The following STAG1 variants were observed in gnomAD, a reference collection of about 807,000 sequenced individuals.
STAG1 encodes STAG1 cohesin complex component, also known as cohesin subunit SA-1.
A neutral mutation model predicts 170.9 loss-of-function variants in STAG1; 26 were observed. The observed-to-expected ratio is 0.15, with a 90% CI of 0.11 to 0.21. The LOEUF (loss-of-function observed/expected upper bound fraction) is 0.21. Ranked by LOEUF, STAG1 falls within the 10% of genes least tolerant of loss-of-function variation. The pLI, the probability that STAG1 is intolerant of heterozygous loss-of-function variation, is 1.00. For missense variants in STAG1, 964 were observed against 1,509.5 expected, an observed-to-expected ratio of 0.64 and a Z score of 5.99; for synonymous variants, 514 against 497.7, an observed-to-expected ratio of 1.03 and a Z score of -0.44.
At chr3:136,382,571 A>G (rs1560074916) in intron 22 of STAG1, among the ~76,000 whole-genome samples, 2 of 151,032 alleles carry the variant, frequency 1.3e-5, no homozygotes, top group African/African-American at 4.9e-5. Flanking sequence ...CCCAGCTACT[A>G]TTTTTTTTCT....
At chr3:136,683,696 T>A (rs887892071) in intron 1 of STAG1, among the ~76,000 whole-genome samples, 3 of 152,082 alleles carry the variant, frequency 2.0e-5, no homozygotes, top group African/African-American at 7.2e-5. Context: ...TCTTAGCTAA[T>A]GCAGTAAGAT....
intron 1 of STAG1, among the ~76,000 whole-genome samples, chr3:136,637,602 G>A (rs1007828284): frequency 6.6e-6 from 1 of 152,028 alleles, no homozygotes; most frequent in East Asian, 1.9e-4. Flanking sequence ...TCGGTTCTGG[G>A]GCTCAATTAC....
At chr3:136,531,656 A>G (rs1027446220) in intron 6 of STAG1, among the ~76,000 whole-genome samples, 8 of 151,276 alleles carry the variant, frequency 5.3e-5, no homozygotes, top group African/African-American at 1.5e-4. Flanking sequence ...AAACTATCGC[A>G]AGAACAAAAA....
At chr3:136,538,629 G>T (rs1935755027) in intron 6 of STAG1, among the ~76,000 whole-genome samples, 1 of 151,940 alleles carries the variant, frequency 6.6e-6, no homozygotes, top group Non-Finnish European at 1.5e-5. Flanking sequence ...ATATTGGCCT[G>T]GCTGTTCTGT....
intron 6 of STAG1, among the ~76,000 whole-genome samples, chr3:136,527,573 A>G (rs1247456460): frequency 6.6e-6 from 1 of 152,106 alleles, no homozygotes; most frequent in African/African-American, 2.4e-5. Context: ...GATCCTCTGA[A>G]GCCTCCTTCT....
chr3:136,583,586 C>G (rs1351072388), intron 4 of STAG1, among the ~76,000 whole-genome samples: 2 of 152,030 alleles, frequency 1.3e-5, no homozygotes, highest in Admixed American at 6.6e-5. Context: ...GTCAGGAGTT[C>G]GACACCAGCC....
chr3:136,591,764 A>C (rs1938195187), intron 4 of STAG1, among the ~76,000 whole-genome samples: 1 of 152,198 alleles, frequency 6.6e-6, no homozygotes, highest in Non-Finnish European at 1.5e-5. Context: ...ACTAAATGCA[A>C]GAAAGAAAAG....
chr3:136,497,880 A>G (rs1933209753), intron 9 of STAG1, among the ~76,000 whole-genome samples: 3 of 147,648 alleles, frequency 2.0e-5, no homozygotes, highest in African/African-American at 5.0e-5. Context: ...CCTCAATCTG[A>G]TAAGGGGCAT....
At chr3:136,499,156 T>C (rs751547446) in intron 9 of STAG1, among the ~76,000 whole-genome samples, 2 of 152,170 alleles carry the variant, frequency 1.3e-5, no homozygotes, top group Admixed American at 6.5e-5. Flanking sequence ...TTCAAACCCA[T>C]GTTGTTCAAA....
At chr3:136,394,724 AG>A (rs1464385347) in intron 22 of STAG1, among the ~76,000 whole-genome samples, 1 of 151,930 alleles carries the variant, frequency 6.6e-6, no homozygotes, top group East Asian at 1.9e-4. Flanking sequence ...AGGCGAAGAC[AG>A]GCAGATCACC....
intron 14 of STAG1, among the ~76,000 whole-genome samples, chr3:136,450,754 A>AT (rs879824198): frequency 5.3e-5 from 8 of 151,776 alleles, no homozygotes; most frequent in South Asian, 4.2e-4. Flanking sequence ...ATTTATTTTA[A>AT]TTTTTTTTGA....
intron 13 of STAG1, among the ~76,000 whole-genome samples, chr3:136,463,727 ATG>A (rs1310748716): frequency 1.1e-5 from 1 of 88,534 alleles, no homozygotes; most frequent in African/African-American, 4.9e-5. Flanking sequence ...AAAAAAAAAA[ATG>A]TGTATATGTG....
intron 3 of STAG1, among the ~76,000 whole-genome samples, chr3:136,618,789 T>C (rs1939711351): frequency 6.7e-6 from 1 of 149,110 alleles, no homozygotes; most frequent in Non-Finnish European, 1.5e-5. Flanking sequence ...TCAATATTAT[T>C]TTCATATTTT....
intron 1 of STAG1, among the ~76,000 whole-genome samples, chr3:136,673,370 C>A (rs944349749): frequency 1.3e-5 from 2 of 152,172 alleles, no homozygotes; most frequent in African/African-American, 4.8e-5. Context: ...TGAGTATGTA[C>A]TGAGCCTAGG....
intron 9 of STAG1, among the ~76,000 whole-genome samples, chr3:136,477,782 G>A (rs1208975701): frequency 6.6e-6 from 1 of 152,128 alleles, no homozygotes; most frequent in Admixed American, 6.6e-5. Context: ...CAAAAGAACT[G>A]TTAATCTTTT....
chr3:136,642,949 C>T (rs967050095), intron 1 of STAG1, among the ~76,000 whole-genome samples: 14 of 152,206 alleles, frequency 9.2e-5, no homozygotes, highest in Non-Finnish European at 1.6e-4. Context: ...CCTCTGTGTG[C>T]CTCTGTGTCA....
intron 3 of STAG1, among the ~76,000 whole-genome samples, chr3:136,618,625 GT>G (rs1559912865): frequency 6.6e-6 from 1 of 152,132 alleles, no homozygotes; most frequent in East Asian, 1.9e-4. Flanking sequence ...AGGGGTTAAG[GT>G]TAGAGAGGTG....
chr3:136,557,777 G>A (rs932933826), intron 5 of STAG1, among the ~76,000 whole-genome samples: 1 of 151,980 alleles, frequency 6.6e-6, no homozygotes, highest in African/African-American at 2.4e-5. Flanking sequence ...GACCTCAAGT[G>A]ATCCGCCTGC....
At chr3:136,624,267 T>C (rs2107832257) in intron 2 of STAG1, among the ~76,000 whole-genome samples, 1 of 151,888 alleles carries the variant, frequency 6.6e-6, no homozygotes, top group East Asian at 2.0e-4. Context: ...CCCGGCTAAT[T>C]TTTTTTGCAT....
Sources: gnomAD v4.1 joint callset for allele counts (sites outside exome capture counted in the v4.1 genomes callset) on GRCh38, gnomAD v4.1.1 for gene constraint, MANE v1.5 for transcripts, NCBI Gene and HGNC (gene_info 2026-07-23, HGNC 2026-07-21) for gene names.